Variants in SHBG observed in about 807,000 individuals in gnomAD.
SHBG encodes sex hormone-binding globulin.
SHBG carries 37 observed loss-of-function variants against 41.9 expected under a neutral mutation model. That is an observed-to-expected ratio of 0.88 (90% CI 0.68 to 1.16). SHBG has a LOEUF of 1.16. SHBG is among the 50% of genes most tolerant of loss of function. The pLI is 0.00. For missense variants in SHBG, 466 were observed against 499.9 expected (o/e 0.93, Z 0.65); for synonymous variants, 217 against 205.8 (o/e 1.05, Z -0.47).
intron 1 of SHBG, among the ~76,000 whole-genome samples, chr17:7,615,515 T>G (rs561202147): frequency 6.6e-6 from 1 of 152,116 alleles, no homozygotes; most frequent in South Asian, 2.1e-4. Flanking sequence ...ACAATGAAAG[T>G]TTTGGCCGGG....
At chr17:7,615,154 G>A (rs1489344014) in intron 1 of SHBG, among the ~76,000 whole-genome samples, 1 of 151,974 alleles carries the variant, frequency 6.6e-6, no homozygotes, top group Non-Finnish European at 1.5e-5. Flanking sequence ...ACCAATCAGG[G>A]GGAGGGAGGG....
upstream of SHBG, among the ~76,000 whole-genome samples, chr17:7,629,613 G>C (rs769323460): frequency 2.0e-5 from 3 of 152,096 alleles, no homozygotes; most frequent in Non-Finnish European, 4.4e-5. Flanking sequence ...CAGATGCCAG[G>C]CACTGTGCCT....
intron 1 of SHBG, among the ~76,000 whole-genome samples, chr17:7,616,136 G>C (rs1043428819): frequency 7.0e-6 from 1 of 143,266 alleles, no homozygotes; most frequent in African/African-American, 2.6e-5. Context: ...GTGAAACCTC[G>C]TCTCTACTAA....
intron 1 of SHBG, among the ~76,000 whole-genome samples, chr17:7,615,922 C>A (rs182716440): frequency 6.6e-6 from 1 of 152,096 alleles, no homozygotes; most frequent in African/African-American, 2.4e-5. Context: ...GTAATCCCAG[C>A]ACTTTAGGAG....
At chr17:7,627,984 G>C (rs2072277123), upstream of SHBG, 1 of 520,788 alleles carries the variant, frequency 1.9e-6, no homozygotes, top group South Asian at 1.5e-5. This position sits in a 1 kb window ranked among gnomAD's most constrained non-coding sequence, Gnocchi z 4.8. Context: ...TGGGCTCCTG[G>C]GTAGAGTTCA....
upstream of SHBG, chr17:7,626,513 C>T (rs369604254): frequency 6.2e-6 from 10 of 1,614,042 alleles, no homozygotes; most frequent in East Asian, 4.5e-5. Context: ...CCTCAGCTTC[C>T]GTCAGATCTT....
Position 7,620,117 on chromosome 17 carries a change from C to G in SHBG, c.-62+6006C>G, listed in dbSNP as rs2072063698. 1.2e-4 allele frequency among the ~76,000 whole-genome samples: 14 copies of G among 116,296 alleles called. No homozygotes were observed. In the South Asian group the frequency reaches 5.1e-3, roughly 42 times the overall value. The allele number at this position is 116,296 out of a possible 152,430, so 76.3% of individuals were successfully genotyped here. On this transcript the variant is annotated intron_variant, in intron 1 of 5. Transcript: ENST00000570547. ...AAAAAAGTAAAGACTCCTTATCCCT[C>G]TCCAAAAAAAAAAAAAAATTGAAAA...
At chr17:7,627,981 C>T, upstream of SHBG, 1 of 524,036 alleles carries the variant, frequency 1.9e-6, no homozygotes, top group Non-Finnish European at 3.7e-6. This position sits in a 1 kb window ranked among gnomAD's most constrained non-coding sequence, Gnocchi z 4.8. Context: ...GACTGGGCTC[C>T]TGGGTAGAGT....
rs951956980 is a variant in SHBG, at chr17:7,621,050, C to T, written c.-62+6939C>T. On this transcript the variant is annotated intron_variant, in intron 1 of 5. Coordinates refer to the SHBG transcript ENST00000570547. ...GGTCAAGGTTGCAGTGAGCCATGATCGCACCACTGCACTTGGCCTGGGCAA... is the reference window on the plus strand; with the variant it reads ...GGTCAAGGTTGCAGTGAGCCATGATTGCACCACTGCACTTGGCCTGGGCAA... Among the ~76,000 whole-genome samples the T allele has an allele frequency of 4.6e-5, 6 of 131,210 alleles. No homozygotes were observed. The Admixed American group carries it at 5.0e-4, about 11-fold the overall frequency. The allele number at this position is 131,210 out of a possible 152,430, so 86.1% of individuals were successfully genotyped here.
chr17:7,615,457 C>T (rs1407551833), intron 1 of SHBG, among the ~76,000 whole-genome samples: 1 of 152,240 alleles, frequency 6.6e-6, no homozygotes, highest in Admixed American at 6.5e-5. Flanking sequence ...TAACTCTCTA[C>T]TGTAGTAGAT....
At chr17:7,629,457 G>A (rs2072329993), upstream of SHBG, among the ~76,000 whole-genome samples, 1 of 152,070 alleles carries the variant, frequency 6.6e-6, no homozygotes, top group South Asian at 2.1e-4. Flanking sequence ...GACTGTTTAG[G>A]CCCTGTAATA....
chr17:7,614,545 G>A (rs1295040531), intron 1 of SHBG: 11 of 1,452,616 alleles, frequency 7.6e-6, no homozygotes, highest in Non-Finnish European at 9.1e-6. Context: ...CGCCGCCACC[G>A]CCTCCGACTC....
chr17:7,622,909 C>T (rs1029247671), intron 1 of SHBG, among the ~76,000 whole-genome samples: 14 of 150,850 alleles, frequency 9.3e-5, no homozygotes, highest in Non-Finnish European at 5.9e-5. Context: ...TGGTGGCAGG[C>T]GCCTGTGGTC....
In SHBG at chr17:7,619,454, T is replaced by G. The variant is rs1743431260; in HGVS notation, c.-62+5343T>G. Among the ~76,000 whole-genome samples, 5 of 150,020 alleles carry G rather than the reference T, an allele frequency of 3.3e-5. No homozygotes were observed. In the South Asian group the frequency reaches 1.1e-3, roughly 32 times the overall value. On this transcript the variant is annotated intron_variant, in intron 1 of 5. Transcript: ENST00000570547. ...CTGGTGCGGTGGCTCATGCCTGTAA[T>G]CCCAGCACTTTGGGAGGTCAAGATA...
chr17:7,626,503 C>A, upstream of SHBG: 1 of 1,614,136 alleles, frequency 6.2e-7, no homozygotes, highest in East Asian at 2.2e-5. Flanking sequence ...AAGTGCCAGC[C>A]CTCAGCTTCC....
At chr17:7,626,441 A>G, upstream of SHBG, 1 of 1,613,874 alleles carries the variant, frequency 6.2e-7, no homozygotes, top group Non-Finnish European at 8.5e-7. Flanking sequence ...CCTCCTAGGG[A>G]TGGCGTCACT....
At chr17:7,617,708 C>T (rs1241085535) in intron 1 of SHBG, among the ~76,000 whole-genome samples, 2 of 152,040 alleles carry the variant, frequency 1.3e-5, no homozygotes, top group Admixed American at 6.6e-5. Context: ...ATCTGAATAA[C>T]CAGAATTCCA....
At chr17:7,623,943 T>C (rs759011942), upstream of SHBG, among the ~76,000 whole-genome samples, 1 of 152,078 alleles carries the variant, frequency 6.6e-6, no homozygotes, top group Non-Finnish European at 1.5e-5. Context: ...ATTTATTTAG[T>C]TTTTGTTTTC....
chr17:7,619,483 G>A (rs908172868), intron 1 of SHBG, among the ~76,000 whole-genome samples: 8 of 150,322 alleles, frequency 5.3e-5, no homozygotes, highest in East Asian at 2.0e-4. Flanking sequence ...CAAGATAGGC[G>A]GATCATGAGG....
Sources: gnomAD v4.1 joint callset for allele counts (sites outside exome capture counted in the v4.1 genomes callset) on GRCh38, gnomAD v4.1.1 for gene constraint, Gnocchi (gnomAD v3.1) non-coding constraint, MANE v1.5 for transcripts, NCBI Gene and HGNC (gene_info 2026-07-23, HGNC 2026-07-21) for gene names.